SLC9B1: variants seen among roughly 807,000 people sequenced by gnomAD.
SLC9B1 encodes the protein sodium/hydrogen exchanger 9B1.
Under a neutral mutation model 51.7 loss-of-function variants are expected in SLC9B1, and 32 were observed. That is an observed-to-expected ratio of 0.62 (90% CI 0.47 to 0.83). The LOEUF is 0.83. Among genes scored for constraint, SLC9B1 ranks in the 40% least tolerant of loss-of-function variants. The probability of loss-of-function intolerance (pLI) is 0.00; values close to 1 mark genes in which losing one functional copy is unlikely to be tolerated. For synonymous variants in SLC9B1, 145 were observed against 212.7 expected (o/e 0.68, Z 2.77); for missense variants, 406 against 613.2 (o/e 0.66, Z 3.57).
chr4:102,992,528 A>C (rs543385424), intron 1 of SLC9B1, among the ~76,000 whole-genome samples: 55 of 152,206 alleles, frequency 3.6e-4, no homozygotes, highest in Non-Finnish European at 6.9e-4. Flanking sequence ...GAACATTAAC[A>C]GTTGAGTAGC....
intron 6 of SLC9B1, among the ~76,000 whole-genome samples, chr4:102,940,255 T>A (rs995548894): frequency 2.0e-5 from 3 of 152,010 alleles, no homozygotes; most frequent in Non-Finnish European, 2.9e-5. Context: ...CCATTCACAA[T>A]AGCCACAAAA....
chr4:102,979,463 G>A (rs1409722362), intron 3 of SLC9B1, among the ~76,000 whole-genome samples: 2 of 152,274 alleles, frequency 1.3e-5, no homozygotes, highest in African/African-American at 2.4e-5. Context: ...GTCTGCTCAT[G>A]ATAGTGTTTT....
intron 1 of SLC9B1, among the ~76,000 whole-genome samples, chr4:102,996,922 G>T (rs1278614646): frequency 6.6e-6 from 1 of 151,016 alleles, no homozygotes. Context: ...AAGTAGCTGG[G>T]ACTACAGCCA....
At chr4:102,982,777 T>C (rs1739425323) in intron 3 of SLC9B1, among the ~76,000 whole-genome samples, 1 of 152,150 alleles carries the variant, frequency 6.6e-6, no homozygotes, top group Non-Finnish European at 1.5e-5. Flanking sequence ...CCAGGAGTTT[T>C]TTTTACATGA....
At chr4:102,965,149 C>T (rs1274920813) in intron 3 of SLC9B1, among the ~76,000 whole-genome samples, 1 of 152,042 alleles carries the variant, frequency 6.6e-6, no homozygotes, top group East Asian at 1.9e-4. Flanking sequence ...ATAAAGAAAA[C>T]AATTCCAATC....
At position 102,951,960 on chromosome 4, in the gene SLC9B1, C is replaced by CTTTTT. The variant is rs765709645; in HGVS notation, c.212-2538_212-2534dup. ...AGACTACCAAAGGCAAAAATAAAAT[C>CTTTTT]TTTTTTTTTTTTTTTTTTTTATTAT... On this transcript the variant is annotated intron_variant, in intron 3 of 11. Coordinates refer to ENST00000296422, the MANE Select transcript of SLC9B1 (RefSeq NM_139173.4). Among the ~76,000 whole-genome samples the CTTTTT allele has an allele frequency of 5.5e-3, 36 of 6,546 alleles. 13 individuals are homozygous for CTTTTT. The highest frequency in any genetic ancestry group is 0.016 in the East Asian group (1 of 64). 4.3% of individuals were successfully genotyped at this position (6,546 alleles called of 152,430 possible). A position where few individuals can be genotyped will look rare whatever the true frequency, so the allele number is the denominator to read the frequency against.
At chr4:102,923,666 A>G (rs1578350146) in intron 7 of SLC9B1, among the ~76,000 whole-genome samples, 1 of 137,394 alleles carries the variant, frequency 7.3e-6, no homozygotes, top group East Asian at 2.1e-4. Flanking sequence ...AGAAAACCCC[A>G]TCATCTCAGC....
chr4:102,895,740 G>T (rs1180849270), intron 11 of SLC9B1, among the ~76,000 whole-genome samples: 1 of 152,114 alleles, frequency 6.6e-6, no homozygotes, highest in Non-Finnish European at 1.5e-5. Flanking sequence ...AGAGCACTTT[G>T]AATAATGAAT....
intron 1 of SLC9B1, among the ~76,000 whole-genome samples, chr4:103,013,495 CTA>C (rs1430028686): frequency 6.6e-6 from 1 of 152,170 alleles, no homozygotes; most frequent in African/African-American, 2.4e-5. Flanking sequence ...TCTTCTCACT[CTA>C]TATACATTTC....
chr4:102,965,379 A>C (rs1472229679), intron 3 of SLC9B1, among the ~76,000 whole-genome samples: 1 of 152,174 alleles, frequency 6.6e-6, no homozygotes, highest in African/African-American at 2.4e-5. Flanking sequence ...GAGGCCAAAC[A>C]CAAGGTACAA....
intron 1 of SLC9B1, among the ~76,000 whole-genome samples, chr4:103,016,181 TCCTA>T (rs1452253542): frequency 6.6e-6 from 1 of 150,478 alleles, no homozygotes; most frequent in African/African-American, 2.5e-5. Flanking sequence ...ATGTTCATGT[TCCTA>T]CCTAAGGCCA....
chr4:102,946,946 G>A (rs1737297684), intron 4 of SLC9B1, among the ~76,000 whole-genome samples, 157 bp from the exon 5 acceptor site: 1 of 152,136 alleles, frequency 6.6e-6, no homozygotes, highest in South Asian at 2.1e-4. Context: ...AAGGAATGGC[G>A]ATAAGAAACA....
At chr4:102,922,007 C>T (rs1735904551) in intron 7 of SLC9B1, among the ~76,000 whole-genome samples, 1 of 152,158 alleles carries the variant, frequency 6.6e-6, no homozygotes, top group Non-Finnish European at 1.5e-5. Context: ...ATCAAGAAGA[C>T]AGAAGGTTAA....
At position 102,895,460 on chromosome 4, in the gene SLC9B1, T is replaced by C. The variant is rs1489700399; in HGVS notation, c.1332+10054A>G. Among the ~76,000 whole-genome samples, 4 of 152,260 alleles carry C rather than the reference T, an allele frequency of 2.6e-5. No homozygotes were observed. The East Asian group carries it at 7.7e-4, about 29-fold the overall frequency. ...AAATATGTTTTATGTGAATATCAGTTATACATAATAAATATTGGGGACATT... is the reference window on the plus strand; with the variant it reads ...AAATATGTTTTATGTGAATATCAGTCATACATAATAAATATTGGGGACATT... On this transcript the variant is annotated intron_variant, in intron 11 of 11. Transcript: ENST00000394789.
At chr4:102,986,535 T>C (rs1739634632) in intron 3 of SLC9B1, among the ~76,000 whole-genome samples, 1 of 152,200 alleles carries the variant, frequency 6.6e-6, no homozygotes. Flanking sequence ...TGGAAATTCC[T>C]AGTCATTATG....
intron 7 of SLC9B1, among the ~76,000 whole-genome samples, chr4:102,927,561 A>G (rs1046037176): frequency 8.5e-5 from 13 of 152,236 alleles, no homozygotes; most frequent in African/African-American, 3.1e-4. Context: ...CAATCATTAA[A>G]AAGTCAGGAA....
chr4:102,964,938 T>A (rs1278770563), intron 3 of SLC9B1, among the ~76,000 whole-genome samples: 1 of 152,120 alleles, frequency 6.6e-6, no homozygotes, highest in Non-Finnish European at 1.5e-5. Flanking sequence ...AAAAAAGTTA[T>A]GGAAAAAAGA....
intron 6 of SLC9B1, among the ~76,000 whole-genome samples, chr4:102,940,114 C>T (rs1736916920): frequency 6.6e-6 from 1 of 152,108 alleles, no homozygotes. Flanking sequence ...CCATAGTAGC[C>T]TCTCAAGAGC....
rs578026152 is a variant in SLC9B1 at position 102,930,749 on chromosome 4, A to G, written c.829+1375T>C. Among the ~76,000 whole-genome samples the G allele has an allele frequency of 4.1e-4, 62 of 152,250 alleles. No individual in the cohort carries two copies. The South Asian group carries it at 0.012, about 29-fold the overall frequency. On this transcript the variant is annotated intron_variant, in intron 7 of 11. Transcript: ENST00000296422. ...AAAAATTTTTATAGCAGCACAACTA[A>G]GTATTATTTTAATAGTAAATATTGG...
Sources: allele counts gnomAD v4.1 joint callset (sites outside exome capture counted in the v4.1 genomes callset), GRCh38; gene constraint gnomAD v4.1.1; transcripts MANE v1.5; gene names NCBI Gene and HGNC (gene_info 2026-07-23, HGNC 2026-07-21).